DOCK4: variants seen among roughly 807,000 people sequenced by gnomAD.
The protein encoded by DOCK4 is dedicator of cytokinesis 4, also known as dedicator of cytokinesis protein 4.
A neutral mutation model predicts 268.1 loss-of-function variants in DOCK4; 97 were observed. That is an observed-to-expected ratio of 0.36 (90% CI 0.31 to 0.43). The LOEUF (loss-of-function observed/expected upper bound fraction) is 0.43, where lower values mean the gene tolerates loss of function less well. Among genes scored for constraint, DOCK4 ranks in the 20% least tolerant of loss-of-function variants. The pLI is 1.00. For missense variants in DOCK4, 2,145 were observed against 2,455.7 expected, an observed-to-expected ratio of 0.87 and a Z score of 2.67; for synonymous variants, 954 against 887.2, an observed-to-expected ratio of 1.08 and a Z score of -1.34.
At chr7:112,042,834 G>T (rs1804510224) in intron 1 of DOCK4, among the ~76,000 whole-genome samples, 1 of 152,294 alleles carries the variant, frequency 6.6e-6, no homozygotes. Context: ...ATTTGATCAT[G>T]AAGAGTTATT....
In DOCK4 at chr7:111,915,767, C is replaced by G; in HGVS notation, c.1192+12G>C. 1 of 1,612,218 alleles carries G rather than the reference C, an allele frequency of 6.2e-7. No individual in the cohort carries two copies. Among genetic ancestry groups the G allele is most frequent in the Non-Finnish European group, 8.5e-7 (1 of 1,179,294 alleles). On this transcript the variant is annotated intron_variant, in intron 13 of 52. Transcript: ENST00000428084. ...CATATTTCATCATATCGGTACGTCC[C>G]AAGTCACCTACCAGGCATAATAATA...
chr7:111,886,809 A>C (rs999837174), intron 16 of DOCK4, among the ~76,000 whole-genome samples: 1 of 152,218 alleles, frequency 6.6e-6, no homozygotes, highest in Non-Finnish European at 1.5e-5. Context: ...ACCCAGATTA[A>C]TTTAGTTTTG....
At chr7:112,107,774 T>A (rs972980815) in intron 1 of DOCK4, among the ~76,000 whole-genome samples, 4 of 152,298 alleles carry the variant, frequency 2.6e-5, no homozygotes, top group African/African-American at 9.6e-5. Context: ...ACTCTAGGCA[T>A]GACCAAGATC....
At chr7:111,909,702 G>A (rs1378523094) in intron 13 of DOCK4, among the ~76,000 whole-genome samples, 1 of 152,254 alleles carries the variant, frequency 6.6e-6, no homozygotes, top group Admixed American at 6.5e-5. Context: ...GCCCATGCCT[G>A]TAATTGCAGC....
intron 2 of DOCK4, among the ~76,000 whole-genome samples, chr7:112,001,000 AAAT>A (rs1800381185): frequency 1.3e-5 from 2 of 152,188 alleles, no homozygotes; most frequent in African/African-American, 2.4e-5. Context: ...CTCTGCCACC[AAAT>A]AATAGTACCT....
chr7:112,103,688 C>G (rs1430066775), intron 1 of DOCK4, among the ~76,000 whole-genome samples: 1 of 152,108 alleles, frequency 6.6e-6, no homozygotes, highest in African/African-American at 2.4e-5. Context: ...TCAAGACCAG[C>G]CTGGCAAACA....
intron 1 of DOCK4, among the ~76,000 whole-genome samples, chr7:112,131,889 T>C (rs1424718670): frequency 6.6e-6 from 1 of 152,120 alleles, no homozygotes; most frequent in African/African-American, 2.4e-5. Context: ...TGCTTTTAAA[T>C]TCTATCCCTA....
At chr7:111,853,576 A>C (rs1804758960) in intron 23 of DOCK4, among the ~76,000 whole-genome samples, 1 of 152,210 alleles carries the variant, frequency 6.6e-6, no homozygotes, top group Admixed American at 6.5e-5. Context: ...AGAGGAAAGG[A>C]CTGCAGATTC....
Position 112,191,679 on chromosome 7 carries a change from T to C in DOCK4, c.37+14423A>G, listed in dbSNP as rs184345335. Among the ~76,000 whole-genome samples the C allele has an allele frequency of 6.5e-3, 984 of 152,210 alleles. 14 individuals carry two copies. The highest frequency in any genetic ancestry group is 0.022 in the African/African-American group (917 of 41,506). ...CTAAGTCGTATGTACAAAGGTGTGA[T>C]ACCATGAAGGGACCACATGCTTCAG... On this transcript the variant is annotated intron_variant, in intron 1 of 52. Coordinates refer to ENST00000428084, the MANE Select transcript of DOCK4 (RefSeq NM_001363540.2).
chr7:111,809,455 G>A, intron 28 of DOCK4, 54 bp from the exon 29 acceptor site: 5 of 1,422,806 alleles, frequency 3.5e-6, no homozygotes, highest in Middle Eastern at 1.8e-4. Context: ...ATATTGACAG[G>A]TGAAGTGACA....
intron 12 of DOCK4, among the ~76,000 whole-genome samples, chr7:111,920,213 A>G (rs946130662): frequency 3.3e-5 from 5 of 152,148 alleles, no homozygotes; most frequent in African/African-American, 4.8e-5. Context: ...GACGTTCTAG[A>G]GAGCTATTGT....
rs1473732742 is a variant in DOCK4 at position 111,728,408 on chromosome 7, G to A, written c.5794C>T (p.Pro1932Ser). ...PVPLPHSLSI[P>S]VTSEPPALPP... ...AGCGCGGGCGGCTCCGACGTGACGG[G>A]GATGGAGAGGCTGTGAGGTAGCGGG... is the stretch of plus-strand genomic sequence containing the variant. The change falls in exon 53 of 53, where the codon CCC (proline) becomes TCC (serine). Residue 1932 changes from proline to serine, a missense_variant. By Grantham distance (74) the Pro-to-Ser change is moderately conservative. Coordinates refer to ENST00000428084, the MANE Select transcript of DOCK4 (RefSeq NM_001363540.2). 2 of 1,572,228 alleles carry A rather than the reference G, an allele frequency of 1.3e-6. No individual in the cohort carries two copies. The highest frequency in any genetic ancestry group is 1.7e-5 in the Admixed American group (1 of 57,328).
At position 111,830,413 on chromosome 7, in the gene DOCK4, G is replaced by A. The variant is rs557456132; in HGVS notation, c.2835+4175C>T. Among the ~76,000 whole-genome samples, 41 of 150,102 alleles carry A rather than the reference G, an allele frequency of 2.7e-4. 1 individual carries two copies. In the South Asian group the frequency reaches 8.3e-3, roughly 31 times the overall value. ...TGCACTCCAGCCTGGGCGACAGAGC[G>A]AGACTCATTCTCAAAACAAAACAAA... On this transcript the variant is annotated intron_variant, in intron 26 of 52. Coordinates refer to ENST00000428084, the MANE Select transcript of DOCK4 (RefSeq NM_001363540.2).
Position 111,788,675 on chromosome 7 carries a change from G to A in DOCK4, c.3388C>T (p.Leu1130Phe). 2 of 1,584,838 alleles carry A rather than the reference G, an allele frequency of 1.3e-6. No homozygotes were observed. The highest frequency in any genetic ancestry group is 8.6e-7 in the Non-Finnish European group (1 of 1,163,562). ...CATATTACTCACATACTGTTGAAGA[G>A]CTCGCGGTATGTTTCGTCACCTTTG... ...EGKGDETYRE[L>F]FNSIIPLFGP... Residue 1130 changes from leucine to phenylalanine, a missense_variant, in exon 32 of 53, where the codon CTC (leucine) becomes TTC (phenylalanine). Physicochemically the swap from Leu to Phe is conservative, Grantham distance 22 (BLOSUM62 0). Coordinates refer to ENST00000428084, the MANE Select transcript of DOCK4 (RefSeq NM_001363540.2).
intron 45 of DOCK4, 73 bp downstream of exon 45, chr7:111,741,940 T>C: frequency 6.7e-7 from 1 of 1,498,198 alleles, no homozygotes; most frequent in Non-Finnish European, 8.9e-7. Context: ...CACTATTGGA[T>C]ACATCATCAT....
chr7:111,731,923 T>C (rs1415925277), intron 52 of DOCK4, among the ~76,000 whole-genome samples: 2 of 152,112 alleles, frequency 1.3e-5, no homozygotes, highest in East Asian at 3.9e-4. Context: ...TCCTAGGAGG[T>C]ACATTAGGAC....
chr7:111,859,756 A>C (rs1216151737), intron 23 of DOCK4, among the ~76,000 whole-genome samples: 1 of 151,008 alleles, frequency 6.6e-6, no homozygotes, highest in Admixed American at 6.6e-5. Flanking sequence ...TTTAGTAGAG[A>C]CGGGGTTTCA....
At chr7:112,178,405 G>T (rs1016677481) in intron 1 of DOCK4, among the ~76,000 whole-genome samples, 2 of 152,086 alleles carry the variant, frequency 1.3e-5, no homozygotes, top group African/African-American at 4.8e-5. Flanking sequence ...GCTAAAAGAG[G>T]GTGGGGAGCT....
At position 111,752,075 on chromosome 7, in the gene DOCK4, G is replaced by T. The variant is rs568448451; in HGVS notation, c.4416+3440C>A. On this transcript the variant is annotated intron_variant, in intron 42 of 52. Transcript: ENST00000428084. The stretch of plus-strand genomic sequence containing the variant: ...TAATTTTTAATGTGACAATATTTCA[G>T]GTTTTTAAAAATAAATATGAATACT... Among the ~76,000 whole-genome samples the T allele has an allele frequency of 9.1e-4, 138 of 152,216 alleles. 2 individuals carry two copies. The highest frequency in any genetic ancestry group is 2.9e-3 in the African/African-American group (122 of 41,538).
Sources: gnomAD v4.1 joint callset for allele counts (sites outside exome capture counted in the v4.1 genomes callset) on GRCh38, gnomAD v4.1.1 for gene constraint, MANE v1.5 for transcripts, NCBI Gene and HGNC (gene_info 2026-07-23, HGNC 2026-07-21) for gene names.